The following NFATC1 variants were observed in gnomAD, a reference collection of about 807,000 sequenced individuals.
NFATC1 encodes nuclear factor of activated T-cells, cytoplasmic 1.
A neutral mutation model predicts 76.0 loss-of-function variants in NFATC1; 22 were observed. The ratio of observed to expected loss-of-function variants is 0.29; its 90% CI spans 0.21 to 0.41. NFATC1 has a LOEUF of 0.41. Among genes scored for constraint, NFATC1 ranks in the 10% least tolerant of loss-of-function variants. The probability of loss-of-function intolerance (pLI) is 1.00; values close to 1 mark genes in which losing one functional copy is unlikely to be tolerated. For missense variants in NFATC1, 1,357 were observed against 1,337.7 expected, an observed-to-expected ratio of 1.01 and a Z score of -0.23; for synonymous variants, 704 against 613.1, an observed-to-expected ratio of 1.15 and a Z score of -2.19.
rs1416836801 is a variant in NFATC1, at chr18:79,400,530, G to C, written c.127+4179G>C. 26 of 1,334,356 alleles carry C rather than the reference G, an allele frequency of 1.9e-5. No individual in the cohort carries two copies. In the East Asian group the frequency reaches 5.8e-4, roughly 30 times the overall value. 82.7% of individuals were successfully genotyped at this position (1,334,356 alleles called of 1,614,324 possible). The stretch of plus-strand genomic sequence containing the variant: ...GGGCGCGGGGCCAGGTCGGGGTTTG[G>C]GGGCGCCCAGGCCCCCTCCGCGTCC... On this transcript the variant is annotated intron_variant, in intron 1 of 9. Coordinates refer to ENST00000427363, the MANE Select transcript of NFATC1 (RefSeq NM_001278669.2).
intron 6 of NFATC1, among the ~76,000 whole-genome samples, chr18:79,455,212 T>G (rs2087640092): frequency 2.0e-5 from 3 of 152,188 alleles, no homozygotes; most frequent in Non-Finnish European, 4.4e-5. Context: ...GAAGCCTGTT[T>G]TGGTGTCGCT....
intron 9 of NFATC1, among the ~76,000 whole-genome samples, chr18:79,513,315 G>A (rs949980884): frequency 2.0e-5 from 3 of 152,154 alleles, no homozygotes; most frequent in East Asian, 1.9e-4. Context: ...CTTGGCCTCC[G>A]CGGCCAGGGC....
At chr18:79,413,924 G>T (rs1351418932) in intron 2 of NFATC1, among the ~76,000 whole-genome samples, 1 of 152,174 alleles carries the variant, frequency 6.6e-6, no homozygotes, top group South Asian at 2.1e-4. Flanking sequence ...GCTGCAGAGC[G>T]CCCAGTTAGG....
intron 6 of NFATC1, among the ~76,000 whole-genome samples, chr18:79,455,762 CCA>C (rs1403713872): frequency 7.9e-4 from 8 of 10,182 alleles, no homozygotes; most frequent in African/African-American, 3.0e-3. Context: ...CCGCCCCATC[CCA>C]CGGCCGCCCC....
chr18:79,463,176 T>C (rs982227454), intron 7 of NFATC1, among the ~76,000 whole-genome samples: 2 of 152,212 alleles, frequency 1.3e-5, no homozygotes, highest in African/African-American at 4.8e-5. Context: ...CACCTGCACC[T>C]TCAGTGGTGC....
At chr18:79,400,499 C>A in intron 1 of NFATC1, 1 of 1,401,022 alleles carries the variant, frequency 7.1e-7, no homozygotes, top group South Asian at 1.6e-5. Flanking sequence ...TCCCGGAGGG[C>A]GCGGGGGGCG....
intron 1 of NFATC1, among the ~76,000 whole-genome samples, chr18:79,408,123 G>A (rs776757284): frequency 6.6e-6 from 1 of 152,218 alleles, no homozygotes; most frequent in Non-Finnish European, 1.5e-5. Flanking sequence ...TACCTGGGGC[G>A]CTAGAACCAT....
At chr18:79,424,545 C>T (rs1449712776) in intron 2 of NFATC1, among the ~76,000 whole-genome samples, 3 of 151,852 alleles carry the variant, frequency 2.0e-5, no homozygotes, top group East Asian at 1.9e-4. Context: ...CTGTCTCTCT[C>T]TCTGTCTCTG....
intron 5 of NFATC1, 142 bp downstream of exon 5, chr18:79,451,268 AGG>A: frequency 9.2e-7 from 1 of 1,084,484 alleles, no homozygotes; most frequent in Non-Finnish European, 1.3e-6. Context: ...TGTGGCCACG[AGG>A]GGTCTGAGTT....
Position 79,412,709 on chromosome 18 carries a change from G to T in NFATC1, c.1226+1208G>T, listed in dbSNP as rs547891349. ...CGAACCCACCCAAACCTCTCTGAAGGCTTGTGGCAAAGAAACAGTGTTAGA... is the reference window on the plus strand; with the variant it reads ...CGAACCCACCCAAACCTCTCTGAAGTCTTGTGGCAAAGAAACAGTGTTAGA... On this transcript the variant is annotated intron_variant, in intron 2 of 9. Coordinates refer to ENST00000427363, the MANE Select transcript of NFATC1 (RefSeq NM_001278669.2). Among the ~76,000 whole-genome samples, 4 of 152,318 alleles carry T rather than the reference G, an allele frequency of 2.6e-5. No homozygotes were observed. The South Asian group carries it at 8.3e-4, about 32-fold the overall frequency.
intron 2 of NFATC1, 26 bp downstream of exon 2, chr18:79,411,527 G>T (rs781401849): frequency 7.2e-7 from 1 of 1,392,492 alleles, no homozygotes; most frequent in East Asian, 2.8e-5. Flanking sequence ...GGGGCGGGAC[G>T]GGGAGGCGAG....
At position 79,487,826 on chromosome 18, in the gene NFATC1, G is replaced by A. The variant is rs539100029; in HGVS notation, c.2782+889G>A. On this transcript the variant is annotated intron_variant, in intron 9 of 9. Transcript: ENST00000427363. ...TGCGGTTTGTGTGCGCGTTGTGATC[G>A]GGGCGTGCCCGCGGCCCTGGTGACC... Among the ~76,000 whole-genome samples, 41 of 152,244 alleles carry A rather than the reference G, an allele frequency of 2.7e-4. 1 individual carries two copies. Among genetic ancestry groups the A allele is most frequent in the Admixed American group, 1.4e-3 (21 of 15,304 alleles).
chr18:79,437,027 CAG>C (rs1211029649), intron 3 of NFATC1, among the ~76,000 whole-genome samples: 1 of 152,224 alleles, frequency 6.6e-6, no homozygotes, highest in Non-Finnish European at 1.5e-5. Context: ...ATCAAAGCAA[CAG>C]GGCCGTGGTT....
intron 9 of NFATC1, among the ~76,000 whole-genome samples, chr18:79,507,485 C>G (rs2090143224): frequency 6.6e-6 from 1 of 152,258 alleles, no homozygotes; most frequent in Non-Finnish European, 1.5e-5. Context: ...AAGGGAGCCC[C>G]TGCCCTCCGG....
intron 3 of NFATC1, among the ~76,000 whole-genome samples, chr18:79,447,025 C>A (rs975952510): frequency 6.6e-6 from 1 of 152,258 alleles, no homozygotes; most frequent in African/African-American, 2.4e-5. Flanking sequence ...CCCTCAGTGA[C>A]AGCAGCCGTC....
chr18:79,430,958 G>A lies in NFATC1; in HGVS notation c.1227-2621G>A, dbSNP rs142837369. Among the ~76,000 whole-genome samples the A allele has an allele frequency of 4.2e-3, 640 of 152,294 alleles. 3 individuals are homozygous for A. The highest frequency in any genetic ancestry group is 0.014 in the Middle Eastern group (4 of 294). On this transcript the variant is annotated intron_variant, in intron 2 of 9. Transcript: ENST00000427363. ...CCTGTGTGGAGGCCTGGGTCCAGCC[G>A]CCTTTCCTTCTGCCTGGCAGCGTTA...
chr18:79,514,199 G>A (rs2090325848), intron 9 of NFATC1, among the ~76,000 whole-genome samples: 1 of 152,118 alleles, frequency 6.6e-6, no homozygotes, highest in African/African-American at 2.4e-5. Flanking sequence ...CAAGCACTTT[G>A]GGAGGCCAAG....
chr18:79,508,765 C>T (rs1469415487), intron 9 of NFATC1, among the ~76,000 whole-genome samples: 6 of 151,286 alleles, frequency 4.0e-5, no homozygotes, highest in East Asian at 1.9e-4. Flanking sequence ...CTCCCTTCCT[C>T]GCTCTGTTTC....
chr18:79,410,974 C>T lies in NFATC1; in HGVS notation c.699C>T (p.Ser233=). The T allele has an allele frequency of 2.5e-6, 4 of 1,603,560 alleles. No homozygotes were observed. Among genetic ancestry groups the T allele is most frequent in the African/African-American group, 2.7e-5 (2 of 74,912 alleles). The part of the protein sequence containing the change: ...RGLGACTLLG[S]PRHSPSTSPR... ...TGGGGGCCTGCACACTGCTGGGTTC[C>T]CCGCGGCACTCCCCCTCCACCTCGC... The change falls in exon 2 of 10, where the codon TCC becomes TCT. Residue 233 remains serine, a synonymous_variant. Coordinates refer to ENST00000427363, the MANE Select transcript of NFATC1 (RefSeq NM_001278669.2). This position sits in a 1 kb window ranked among gnomAD's most constrained non-coding sequence, Gnocchi z 6.7.
Sources: allele counts gnomAD v4.1 joint callset (sites outside exome capture counted in the v4.1 genomes callset), GRCh38; gene constraint gnomAD v4.1.1; non-coding constraint Gnocchi (gnomAD v3.1); transcripts MANE v1.5; gene names NCBI Gene and HGNC (gene_info 2026-07-23, HGNC 2026-07-21).